Variants in MGLL observed in about 807,000 individuals in gnomAD.
MGLL encodes the protein monoglyceride lipase, also known as lysophospholipase homolog.
In MGLL, 7 loss-of-function variants were observed where a neutral mutation model predicts 29.1. That is an observed-to-expected ratio of 0.24 (90% confidence interval 0.14 to 0.45). The LOEUF (loss-of-function observed/expected upper bound fraction) is 0.45, where lower values mean the gene tolerates loss of function less well. MGLL is among the 20% of genes least tolerant of loss of function. The pLI is 0.99. For synonymous variants in MGLL, 148 were observed against 168.3 expected (o/e 0.88, Z 0.93); for missense variants, 356 against 413.6 (o/e 0.86, Z 1.21).
rs1414247516 is a variant in MGLL, at chr3:127,728,748, G to A, written c.263-6182C>T. 3.3e-5 allele frequency among the ~76,000 whole-genome samples: 5 copies of A among 152,314 alleles called. No individual in the cohort carries two copies. In the South Asian group the frequency reaches 8.3e-4, roughly 25 times the overall value. On this transcript the variant is annotated intron_variant, in intron 3 of 7. Transcript: ENST00000265052. ...TCTTCAGGGTATGTGCCTAGATGCA[G>A]GATTGCTTGGCTGAAATGTAAATGC...
chr3:127,768,130 T>C (rs193285656), intron 3 of MGLL, among the ~76,000 whole-genome samples: 1 of 152,344 alleles, frequency 6.6e-6, no homozygotes, highest in Admixed American at 6.5e-5. Flanking sequence ...GGGATAGTCC[T>C]ATTAATAGTT....
intron 3 of MGLL, among the ~76,000 whole-genome samples, chr3:127,733,568 G>A (rs2076189162): frequency 6.6e-6 from 1 of 152,210 alleles, no homozygotes; most frequent in South Asian, 2.1e-4. Context: ...TGGATGGGAG[G>A]AGAGGTGTCA....
intron 3 of MGLL, among the ~76,000 whole-genome samples, chr3:127,732,854 A>T (rs115838301): frequency 6.6e-6 from 1 of 152,200 alleles, no homozygotes; most frequent in South Asian, 2.1e-4. Flanking sequence ...CACCGAGTGC[A>T]CTGACGGACA....
intron 3 of MGLL, among the ~76,000 whole-genome samples, chr3:127,731,819 G>A (rs1406323371): frequency 6.6e-6 from 1 of 152,164 alleles, no homozygotes; most frequent in Non-Finnish European, 1.5e-5. Context: ...ACCTGTCAAT[G>A]GAATAAACTT....
At chr3:127,726,140 GA>G (rs2076029202) in intron 3 of MGLL, among the ~76,000 whole-genome samples, 1 of 22,456 alleles carries the variant, frequency 4.5e-5, no homozygotes, top group South Asian at 1.0e-3. Flanking sequence ...AAGAAAGAAA[GA>G]AAGAAAGAAA....
At chr3:127,740,894 GGAGTA>G (rs1442656730) in intron 3 of MGLL, among the ~76,000 whole-genome samples, 1 of 152,200 alleles carries the variant, frequency 6.6e-6, no homozygotes, top group Non-Finnish European at 1.5e-5. Flanking sequence ...AGGGCCTAGG[GGAGTA>G]GAACGCCCCC....
At chr3:127,744,998 C>A (rs1047040070) in intron 3 of MGLL, among the ~76,000 whole-genome samples, 2 of 152,176 alleles carry the variant, frequency 1.3e-5, no homozygotes, top group African/African-American at 4.8e-5. Flanking sequence ...CTGTCATACA[C>A]CTGCTGACCG....
chr3:127,745,580 G>C (rs886874276), intron 3 of MGLL, among the ~76,000 whole-genome samples: 27 of 152,152 alleles, frequency 1.8e-4, no homozygotes, highest in African/African-American at 6.5e-4. Context: ...GATGACTTAT[G>C]GGTACAATGT....
In MGLL at chr3:127,761,196, G is replaced by A. The variant is rs1172704393; in HGVS notation, c.262+20593C>T. Reference sequence around the variant, plus strand: ...GTGTTCAGATAACGTACAATTCCCTGTGGCCATCCGGACCCTTCGCACTAT... The same window carrying A: ...GTGTTCAGATAACGTACAATTCCCTATGGCCATCCGGACCCTTCGCACTAT... On this transcript the variant is annotated intron_variant, in intron 3 of 7. Transcript: ENST00000265052. This position sits in a 1 kb window ranked among gnomAD's most constrained non-coding sequence, Gnocchi z 4.6. 1.3e-5 allele frequency among the ~76,000 whole-genome samples: 2 copies of A among 152,246 alleles called. No individual in the cohort carries two copies. The highest frequency in any genetic ancestry group is 2.4e-5 in the African/African-American group (1 of 41,466).
At chr3:127,695,337 C>T (rs1034256190) in intron 6 of MGLL, 147 bp from the exon 7 acceptor site, 1 of 758,762 alleles carries the variant, frequency 1.3e-6, no homozygotes, top group Non-Finnish European at 2.2e-6. Context: ...CTCTGAAGGC[C>T]AGCCGTGTTC....
At chr3:127,801,389 G>T (rs1452529837) in intron 2 of MGLL, among the ~76,000 whole-genome samples, 1 of 151,598 alleles carries the variant, frequency 6.6e-6, no homozygotes, top group Admixed American at 6.6e-5. Flanking sequence ...GGCTGAGGCT[G>T]GTGGATCACC....
chr3:127,807,671 C>T (rs1408147627), intron 2 of MGLL, among the ~76,000 whole-genome samples: 1 of 148,484 alleles, frequency 6.7e-6, no homozygotes, highest in Non-Finnish European at 1.5e-5. Flanking sequence ...CATACAAGAA[C>T]AGGGGCAGGA....
chr3:127,813,506 C>A (rs749371475), intron 2 of MGLL, among the ~76,000 whole-genome samples: 22 of 152,194 alleles, frequency 1.4e-4, no homozygotes, highest in Non-Finnish European at 2.4e-4. Context: ...TGCTCCAAAC[C>A]GGACATTTGC....
intron 2 of MGLL, among the ~76,000 whole-genome samples, chr3:127,803,631 T>G (rs1459893225): frequency 2.0e-5 from 3 of 152,154 alleles, no homozygotes; most frequent in Non-Finnish European, 4.4e-5. Context: ...AGAGGGTTGT[T>G]AAAAACCCTG....
At chr3:127,710,846 C>A in intron 5 of MGLL, 181 bp from the exon 6 acceptor site, 1 of 658,074 alleles carries the variant, frequency 1.5e-6, no homozygotes, top group Non-Finnish European at 2.8e-6. Context: ...CTGACTCAGC[C>A]TCTATTCAGC....
chr3:127,702,408 T>C (rs1235453159), intron 6 of MGLL, among the ~76,000 whole-genome samples: 1 of 152,208 alleles, frequency 6.6e-6, no homozygotes, highest in Non-Finnish European at 1.5e-5. Context: ...CCAGGAGGCC[T>C]GAGTCCCCAC....
At chr3:127,812,098 C>T (rs752594029) in intron 2 of MGLL, among the ~76,000 whole-genome samples, 79 of 152,144 alleles carry the variant, frequency 5.2e-4, no homozygotes, top group Non-Finnish European at 9.7e-4. Flanking sequence ...GTAATCAGGA[C>T]GAAAGGAAAA....
Position 127,741,559 on chromosome 3 carries a change from C to T in MGLL, c.263-18993G>A, listed in dbSNP as rs151027032. Among the ~76,000 whole-genome samples the T allele has an allele frequency of 3.7e-3, 556 of 151,610 alleles. 1 individual carries two copies. The highest frequency in any genetic ancestry group is 0.013 in the African/African-American group (522 of 40,924). ...CACCGGGGCAGAGGTTTGTGGGGAG[C>T]GGGCAGAGGTTTGTGGGGAGCAGTC... On this transcript the variant is annotated intron_variant, in intron 3 of 7. Transcript: ENST00000265052.
Position 127,781,796 on chromosome 3 carries a change from G to A in MGLL, c.255C>T (p.His85=), listed in dbSNP as rs75396122. The A allele has an allele frequency of 1.5e-4, 241 of 1,614,058 alleles. 1 individual carries two copies. In the East Asian group the frequency reaches 3.7e-3, roughly 25 times the overall value. The change falls in exon 3 of 8, where the codon CAC becomes CAT. Residue 85 remains histidine, a synonymous_variant. Transcript: ENST00000265052. The stretch of plus-strand genomic sequence containing the variant: ...GCACCCTGGGACACTCACCATGGTC[G>A]TGGGCGAACACCAGCAGGTCCAGCC... ...LMGLDLLVFA[H]DHVGHGQSEG...
Sources: gnomAD v4.1 joint callset for allele counts (sites outside exome capture counted in the v4.1 genomes callset) on GRCh38, gnomAD v4.1.1 for gene constraint, Gnocchi (gnomAD v3.1) non-coding constraint, MANE v1.5 for transcripts, NCBI Gene and HGNC (gene_info 2026-07-23, HGNC 2026-07-21) for gene names.